PICALM: variants seen among roughly 807,000 people sequenced by gnomAD.
PICALM encodes phosphatidylinositol binding clathrin assembly protein.
Under a neutral mutation model 80.5 loss-of-function variants are expected in PICALM, and 40 were observed. The ratio of observed to expected loss-of-function variants is 0.50; its 90% CI spans 0.39 to 0.65. The LOEUF is 0.65. Ranked by LOEUF, PICALM falls within the 30% of genes least tolerant of loss-of-function variation. The pLI is 0.00. For missense variants in PICALM, 676 were observed against 778.9 expected (o/e 0.87, Z 1.57); for synonymous variants, 288 against 260.3 (o/e 1.11, Z -1.02).
intron 7 of PICALM, among the ~76,000 whole-genome samples, chr11:86,009,694 A>AAAAC (rs148744777): frequency 1.3e-5 from 2 of 152,136 alleles, no homozygotes; most frequent in African/African-American, 2.4e-5. Flanking sequence ...CTTCATCTCA[A>AAAAC]AAACAAACAA....
intron 5 of PICALM, among the ~76,000 whole-genome samples, chr11:86,013,516 C>G (rs1430383688): frequency 1.3e-5 from 2 of 151,470 alleles, no homozygotes; most frequent in Non-Finnish European, 2.9e-5. Flanking sequence ...GAGAGACAGA[C>G]AAGAGACAGA....
intron 1 of PICALM, among the ~76,000 whole-genome samples, chr11:86,053,422 A>T (rs1386791900): frequency 1.3e-5 from 2 of 152,132 alleles, no homozygotes; most frequent in Non-Finnish European, 2.9e-5. Context: ...GCTGGGTGGA[A>T]CTCTCTGAAC....
chr11:86,050,975 A>C (rs1184258287), intron 1 of PICALM, among the ~76,000 whole-genome samples: 1 of 152,220 alleles, frequency 6.6e-6, no homozygotes, highest in Non-Finnish European at 1.5e-5. Context: ...AGGATGCACC[A>C]ACACACCCAG....
intron 3 of PICALM, chr11:86,023,523 T>C: frequency 6.1e-6 from 6 of 984,890 alleles, no homozygotes; most frequent in Non-Finnish European, 7.2e-6. Flanking sequence ...CTCTCATCCT[T>C]CAAGGCTCAA....
At chr11:85,979,631 CTA>C in intron 17 of PICALM, among the ~76,000 whole-genome samples, 1 of 152,196 alleles carries the variant, frequency 6.6e-6, no homozygotes, top group South Asian at 2.1e-4. Context: ...AAGTCTTAAG[CTA>C]TATAATAAAA....
At chr11:86,036,676 G>A (rs541917022) in intron 1 of PICALM, among the ~76,000 whole-genome samples, 9 of 152,228 alleles carry the variant, frequency 5.9e-5, no homozygotes, top group African/African-American at 1.9e-4. Context: ...ACTACAGTCT[G>A]ACTATGAAAT....
chr11:85,957,312 C>T lies in PICALM; in HGVS notation c.*1734G>A. On this transcript the variant is annotated 3_prime_UTR_variant, in exon 20 of 20. Coordinates refer to ENST00000393346, the MANE Select transcript of PICALM (RefSeq NM_007166.4). ...AAAGCTTTTGATCCTTTATCATGTACTCTGAACCCTATGCACTACTAAATA... is the reference window on the plus strand; with the variant it reads ...AAAGCTTTTGATCCTTTATCATGTATTCTGAACCCTATGCACTACTAAATA... Among the ~76,000 whole-genome samples the T allele has an allele frequency of 6.6e-6, 1 of 152,188 alleles. No individual in the cohort carries two copies. Among genetic ancestry groups the T allele is most frequent in the East Asian group, 1.9e-4 (1 of 5,202 alleles).
chr11:85,981,102 A>G (rs1473081492), intron 17 of PICALM, 27 bp downstream of exon 17: 1 of 1,019,082 alleles, frequency 9.8e-7, no homozygotes. Flanking sequence ...TTCAACTGTT[A>G]GTCTATCAGG....
chr11:85,970,192 G>T (rs963252036), intron 19 of PICALM, among the ~76,000 whole-genome samples: 61 of 152,284 alleles, frequency 4.0e-4, no homozygotes, highest in African/African-American at 1.4e-3. Context: ...TGCTAGACTG[G>T]ATGGATGCCA....
At chr11:86,006,445 T>G (rs1325136366) in intron 8 of PICALM, among the ~76,000 whole-genome samples, 1 of 152,068 alleles carries the variant, frequency 6.6e-6, no homozygotes, top group Non-Finnish European at 1.5e-5. Context: ...GTCAGGAGTT[T>G]GAGACCAGCC....
At position 86,053,779 on chromosome 11, in the gene PICALM, G is replaced by A. The variant is rs534354842; in HGVS notation, c.130+14872C>T. On this transcript the variant is annotated intron_variant, in intron 1 of 19. Coordinates refer to ENST00000393346, the MANE Select transcript of PICALM (RefSeq NM_007166.4). ...GATGGGATTTCACTATGTCACCCAG[G>A]CTGGTCTCAAACTCCTGGACTCAAG... Among the ~76,000 whole-genome samples the A allele has an allele frequency of 1.8e-4, 27 of 152,098 alleles. 1 individual carries two copies. The South Asian group carries it at 5.0e-3, about 28-fold the overall frequency.
chr11:86,044,652 G>A (rs1593288658), intron 1 of PICALM, among the ~76,000 whole-genome samples: 1 of 152,208 alleles, frequency 6.6e-6, no homozygotes, highest in East Asian at 1.9e-4. Flanking sequence ...CCAACCCCCA[G>A]GCCGTGGACC....
rs682366 is a variant in PICALM, at chr11:85,990,698, T to C, written c.1259-299A>G. ...ATGTTTCTATAAAGAGCCACCCATCTTGCACCAATCTTCCCTGTCCTAGGT... is the reference window on the plus strand; with the variant it reads ...ATGTTTCTATAAAGAGCCACCCATCCTGCACCAATCTTCCCTGTCCTAGGT... On this transcript the variant is annotated intron_variant, in intron 12 of 19. Transcript: ENST00000393346. 0.84 allele frequency among the ~76,000 whole-genome samples: 127,653 copies of C among 152,138 alleles called. 54,044 individuals are homozygous for C. Among genetic ancestry groups the C allele is most frequent in the African/African-American group, 0.96 (39,770 of 41,518 alleles).
intron 9 of PICALM, among the ~76,000 whole-genome samples, chr11:86,001,911 T>G (rs1189901311): frequency 6.6e-6 from 1 of 152,232 alleles, no homozygotes; most frequent in Non-Finnish European, 1.5e-5. Context: ...AGAACTACCT[T>G]GAGCTTTATT....
intron 1 of PICALM, among the ~76,000 whole-genome samples, chr11:86,060,357 C>CA (rs979742745): frequency 1.3e-5 from 2 of 151,984 alleles, no homozygotes; most frequent in Non-Finnish European, 2.9e-5. Context: ...ACAGTATTTT[C>CA]AAAAAACCCC....
At chr11:86,009,266 C>A (rs2095344231) in intron 7 of PICALM, among the ~76,000 whole-genome samples, 1 of 124,978 alleles carries the variant, frequency 8.0e-6, no homozygotes, top group Non-Finnish European at 1.6e-5. Context: ...GCACTCCAGC[C>A]TGGGTGACAC....
intron 19 of PICALM, 123 bp from the exon 20 acceptor site, chr11:85,959,183 A>G: frequency 3.6e-6 from 2 of 555,740 alleles, no homozygotes; most frequent in Non-Finnish European, 6.3e-6. Flanking sequence ...CTTATCACAA[A>G]CCCTGTTTAT....
chr11:86,044,182 A>G (rs2096025951), intron 1 of PICALM, among the ~76,000 whole-genome samples: 1 of 152,200 alleles, frequency 6.6e-6, no homozygotes, highest in Admixed American at 6.5e-5. Flanking sequence ...GGCAAGTGCT[A>G]AAAATTTCTT....
chr11:85,968,293 A>AAAAAAC (rs113375890), intron 19 of PICALM, among the ~76,000 whole-genome samples: 3 of 151,320 alleles, frequency 2.0e-5, no homozygotes, highest in African/African-American at 7.3e-5. Flanking sequence ...CCTGTCTCAA[A>AAAAAAC]AAAACAAAAC....
Sources: allele counts gnomAD v4.1 joint callset (sites outside exome capture counted in the v4.1 genomes callset), GRCh38; gene constraint gnomAD v4.1.1; transcripts MANE v1.5; gene names NCBI Gene and HGNC (gene_info 2026-07-23, HGNC 2026-07-21).